BRD4: variants seen among roughly 807,000 people sequenced by gnomAD.
The protein encoded by BRD4 is bromodomain containing 4.
BRD4 carries 16 observed loss-of-function variants against 142.1 expected under a neutral mutation model. The ratio of observed to expected loss-of-function variants is 0.11; its 90% CI spans 0.08 to 0.17. The LOEUF is 0.17. Ranked by LOEUF, BRD4 falls within the 10% of genes least tolerant of loss-of-function variation. The pLI is 1.00. For missense variants in BRD4, 1,424 were observed against 1,810.9 expected, an observed-to-expected ratio of 0.79 and a Z score of 3.88; for synonymous variants, 833 against 707.5, an observed-to-expected ratio of 1.18 and a Z score of -2.82.
chr19:15,294,012 G>C (rs546430502), intron 1 of BRD4, among the ~76,000 whole-genome samples: 2 of 152,184 alleles, frequency 1.3e-5, no homozygotes, highest in African/African-American at 4.8e-5. Flanking sequence ...CCTGGCATAC[G>C]ATTCCCTGGA....
chr19:15,331,497 C>T (rs548596047), intron 1 of BRD4, among the ~76,000 whole-genome samples: 82 of 152,356 alleles, frequency 5.4e-4, no homozygotes, highest in African/African-American at 1.9e-3. Context: ...ACAAAGCGCC[C>T]AGCAAGGGGC....
In BRD4 at chr19:15,256,201, T is replaced by G; in HGVS notation, c.1614A>C (p.Lys538Asn). 6.2e-7 allele frequency: 1 copy of G among 1,613,478 alleles called. No homozygotes were observed. Among genetic ancestry groups the G allele is most frequent in the Non-Finnish European group, 8.5e-7 (1 of 1,180,040 alleles). ...TCTTTTCCTTCTTGTCTTTCTCCTTTTTCTTTGGTTTGTTCTGCTGGGGCT... is the reference window on the plus strand; with the variant it reads ...TCTTTTCCTTCTTGTCTTTCTCCTTGTTCTTTGGTTTGTTCTGCTGGGGCT... Reference protein sequence around the residue: ...LSQPQQNKPKKKEKDKKEKKK... With the variant: ...LSQPQQNKPKNKEKDKKEKKK... Residue 538 changes from lysine (K) to asparagine (N), a missense_variant, in exon 9 of 20, where the codon AAA (lysine) becomes AAC (asparagine). By Grantham distance (94) the Lys-to-Asn change is moderately conservative. Coordinates refer to ENST00000679869, the MANE Select transcript of BRD4 (RefSeq NM_001379291.1).
Position 15,257,097 on chromosome 19 carries a change from A to G in BRD4, c.1418T>C (p.Val473Ala). 1.2e-6 allele frequency: 2 copies of G among 1,608,528 alleles called. No homozygotes were observed. Among genetic ancestry groups the G allele is most frequent in the Non-Finnish European group, 1.7e-6 (2 of 1,179,274 alleles). Reference sequence around the variant, plus strand: ...GGCCACAACCTTGGTGGGAGGGGGCACTGCCGGGGAGGACACGGCCACCAC... The same window carrying G: ...GGCCACAACCTTGGTGGGAGGGGGCGCTGCCGGGGAGGACACGGCCACCAC... ...EPVVAVSSPA[V>A]PPPTKVVAPP... is the part of the protein sequence containing the mutation. Residue 473 changes from valine to alanine, a missense_variant, in exon 8 of 20, where the codon GTG (valine) becomes GCG (alanine). Physicochemically the swap from Val to Ala is moderately conservative, Grantham distance 64. This residue lies in a region of BRD4 where 90 missense variants were observed against 93.2 expected (regional missense o/e 0.97). Coordinates refer to ENST00000679869, the MANE Select transcript of BRD4 (RefSeq NM_001379291.1).
At chr19:15,279,589 A>C (rs2047685057) in intron 1 of BRD4, among the ~76,000 whole-genome samples, 1 of 152,184 alleles carries the variant, frequency 6.6e-6, no homozygotes, top group Non-Finnish European at 1.5e-5. Flanking sequence ...CTGTTCCCAG[A>C]CCAGGAAAGG....
At chr19:15,287,732 C>T (rs2047750784) in intron 1 of BRD4, among the ~76,000 whole-genome samples, 1 of 152,024 alleles carries the variant, frequency 6.6e-6, no homozygotes, top group African/African-American at 2.4e-5. Flanking sequence ...TTTCACTTGG[C>T]ATAACGTCTT....
chr19:15,244,789 G>A (rs199688029), intron 11 of BRD4, 27 bp from the exon 12 acceptor site: 1 of 1,613,906 alleles, frequency 6.2e-7, no homozygotes, highest in African/African-American at 1.3e-5. Context: ...AAGGTAGTGA[G>A]GCTCTGGGGG....
chr19:15,312,016 T>C (rs1015252691), intron 1 of BRD4, among the ~76,000 whole-genome samples: 5 of 152,192 alleles, frequency 3.3e-5, no homozygotes, highest in Admixed American at 6.6e-5. Flanking sequence ...AATATGCATA[T>C]AGTTTACACT....
chr19:15,250,484 A>G (rs1209574171), intron 11 of BRD4, among the ~76,000 whole-genome samples: 1 of 152,162 alleles, frequency 6.6e-6, no homozygotes, highest in Non-Finnish European at 1.5e-5. Context: ...TTTCCAAAAC[A>G]TCAAGCATTC....
At chr19:15,244,176 G>A (rs2047263610) in intron 13 of BRD4, 55 bp downstream of exon 13, 2 of 1,535,472 alleles carry the variant, frequency 1.3e-6, no homozygotes, top group Admixed American at 3.9e-5. Context: ...ACACCACATG[G>A]GTAAACCGAG....
chr19:15,318,447 G>T (rs1261100865), intron 1 of BRD4, among the ~76,000 whole-genome samples: 2 of 152,170 alleles, frequency 1.3e-5, no homozygotes, highest in Non-Finnish European at 2.9e-5. Flanking sequence ...AAGGATGTGA[G>T]GAGAAAGAGA....
At chr19:15,302,876 C>T (rs560830214) in intron 1 of BRD4, among the ~76,000 whole-genome samples, 27 of 150,964 alleles carry the variant, frequency 1.8e-4, no homozygotes, top group African/African-American at 5.8e-4. Flanking sequence ...GGCGTGGTGG[C>T]GGTCACCTGT....
intron 7 of BRD4, among the ~76,000 whole-genome samples, chr19:15,260,068 C>G (rs1275200267): frequency 1.4e-5 from 2 of 145,702 alleles, no homozygotes; most frequent in Non-Finnish European, 3.1e-5. Flanking sequence ...GGCCCAGCCC[C>G]CTGCCCGGCA....
At chr19:15,307,191 G>A (rs1016438494) in intron 1 of BRD4, among the ~76,000 whole-genome samples, 3 of 152,172 alleles carry the variant, frequency 2.0e-5, no homozygotes, top group African/African-American at 7.2e-5. Context: ...ACTCAAAATT[G>A]AAAGGCTAAC....
chr19:15,246,733 G>T (rs184713599), intron 11 of BRD4: 1 of 152,396 alleles, frequency 6.6e-6, no homozygotes, highest in Non-Finnish European at 1.5e-5. Flanking sequence ...GGTTCCAGGG[G>T]GCATGTCTCA....
intron 1 of BRD4, among the ~76,000 whole-genome samples, chr19:15,292,091 T>C (rs1466444221): frequency 6.6e-6 from 1 of 152,218 alleles, no homozygotes; most frequent in African/African-American, 2.4e-5. Flanking sequence ...ACTCAGCTAA[T>C]CAAAGCCACA....
intron 1 of BRD4, among the ~76,000 whole-genome samples, chr19:15,282,455 C>T (rs986456380): frequency 2.6e-5 from 4 of 152,196 alleles, no homozygotes; most frequent in Admixed American, 6.5e-5. Context: ...GAAAACCAAC[C>T]AACCACTCGG....
At chr19:15,309,468 G>T (rs2047947638) in intron 1 of BRD4, among the ~76,000 whole-genome samples, 1 of 152,054 alleles carries the variant, frequency 6.6e-6, no homozygotes, top group South Asian at 2.1e-4. Flanking sequence ...CATATGTCCA[G>T]CAATGTAAAA....
rs796315339 is a variant in BRD4, at chr19:15,237,245, T to TGGG, written c.*1129_*1131dup. On this transcript the variant is annotated 3_prime_UTR_variant, in exon 20 of 20. Coordinates refer to ENST00000679869, the MANE Select transcript of BRD4 (RefSeq NM_001379291.1). The stretch of plus-strand genomic sequence containing the variant: ...AAAAACAAAAAAGCCAACAAATGGG[T>TGGG]GGGGGGGGGGGGGGTGGAGGGGAAA... The TGGG allele has an allele frequency of 4.6e-3, 109 of 23,876 alleles. 2 individuals are homozygous for TGGG. The highest frequency in any genetic ancestry group is 0.013 in the Middle Eastern group (1 of 76). The allele number at this position is 23,876 out of a possible 1,614,324, so 1.5% of individuals were successfully genotyped here. A position where few individuals can be genotyped will look rare whatever the true frequency, so the allele number is the denominator to read the frequency against.
chr19:15,238,169 G>C lies in BRD4; in HGVS notation c.*208C>G, dbSNP rs202015466. The C allele has an allele frequency of 4.2e-6, 3 of 711,370 alleles. No individual in the cohort carries two copies. The highest frequency in any genetic ancestry group is 6.8e-6 in the Non-Finnish European group (3 of 440,324). 44.1% of individuals were successfully genotyped at this position (711,370 alleles called of 1,614,324 possible). On this transcript the variant is annotated 3_prime_UTR_variant, in exon 20 of 20. Transcript: ENST00000679869. The surrounding 1 kb of genome is among the most constrained non-coding windows in gnomAD (Gnocchi z 7.2). Reference sequence around the variant, plus strand: ...AGCGGACGTCCTGTGAGGGGTGGTGGGTGGCGGGACGTCTGTCCGACTGGC... The same window carrying C: ...AGCGGACGTCCTGTGAGGGGTGGTGCGTGGCGGGACGTCTGTCCGACTGGC...
Sources: gnomAD v4.1 joint callset for allele counts (sites outside exome capture counted in the v4.1 genomes callset) on GRCh38, gnomAD v4.1.1 for gene constraint, gnomAD v4.1.1 regional missense constraint, Gnocchi (gnomAD v3.1) non-coding constraint, MANE v1.5 for transcripts, NCBI Gene and HGNC (gene_info 2026-07-23, HGNC 2026-07-21) for gene names.